The following MACROH2A1 variants were observed in gnomAD, a reference collection of about 807,000 sequenced individuals.
MACROH2A1 encodes macroH2A.1 histone.
MACROH2A1 carries 2 observed loss-of-function variants against 31.6 expected under a neutral mutation model. The ratio of observed to expected loss-of-function variants is 0.06; its 90% confidence interval spans 0.03 to 0.20. The LOEUF is 0.20. Ranked by LOEUF, MACROH2A1 falls within the 10% of genes least tolerant of loss-of-function variation. The probability of loss-of-function intolerance (pLI) is 1.00; values close to 1 mark genes in which losing one functional copy is unlikely to be tolerated. For synonymous variants in MACROH2A1, 169 were observed against 189.6 expected (o/e 0.89, Z 0.89); for missense variants, 230 against 474.0 (o/e 0.49, Z 4.78).
intron 1 of MACROH2A1, among the ~76,000 whole-genome samples, chr5:135,390,610 G>C (rs1417240665): frequency 1.3e-5 from 2 of 152,154 alleles, no homozygotes; most frequent in African/African-American, 4.8e-5. Context: ...TTTGCTCACT[G>C]AACCAACTGG....
intron 2 of MACROH2A1, among the ~76,000 whole-genome samples, chr5:135,383,745 G>A (rs934587319): frequency 1.4e-5 from 2 of 143,322 alleles, no homozygotes; most frequent in Non-Finnish European, 3.0e-5. Context: ...GTGTGTGTGT[G>A]TTTTAATTTT....
rs62381067 is a variant in MACROH2A1 at position 135,358,169 on chromosome 5, T to C, written c.588+2328A>G. ...CCTTTTTTACACTATATGCCATGATTTTCACCTGACAGTAATAGCCAATAA... is the reference window on the plus strand; with the variant it reads ...CCTTTTTTACACTATATGCCATGATCTTCACCTGACAGTAATAGCCAATAA... On this transcript the variant is annotated intron_variant, in intron 5 of 8. Transcript: ENST00000511689. The C allele has an allele frequency of 1.4e-3, 1,358 of 985,228 alleles. 2 individuals are homozygous for C. Among genetic ancestry groups the C allele is most frequent in the Non-Finnish European group, 1.5e-3 (1,264 of 829,734 alleles). The allele number at this position is 985,228 out of a possible 1,614,324, so 61.0% of individuals were successfully genotyped here.
At chr5:135,384,776 C>T (rs1386549388) in intron 2 of MACROH2A1, among the ~76,000 whole-genome samples, 3 of 152,238 alleles carry the variant, frequency 2.0e-5, no homozygotes, top group Admixed American at 6.5e-5. Context: ...TCACATCAGC[C>T]TCATAAGAAC....
intron 4 of MACROH2A1, among the ~76,000 whole-genome samples, chr5:135,364,112 C>T (rs1763190953): frequency 1.3e-5 from 2 of 152,116 alleles, no homozygotes; most frequent in Admixed American, 1.3e-4. Context: ...AAACTGGAAA[C>T]CATCATTCTC....
intron 5 of MACROH2A1, chr5:135,358,076 A>C (rs1221660307): frequency 6.1e-6 from 6 of 983,730 alleles, no homozygotes; most frequent in Admixed American, 6.1e-5. Context: ...AATCCAAGTC[A>C]AAATTAATGT....
At chr5:135,346,715 A>C (rs1434436692) in intron 6 of MACROH2A1, 1 of 152,300 alleles carries the variant, frequency 6.6e-6, no homozygotes, top group Admixed American at 6.5e-5. Flanking sequence ...CATCAGAAGC[A>C]GAGCTTAAAG....
intron 4 of MACROH2A1, chr5:135,361,717 T>C (rs982595663): frequency 3.9e-5 from 6 of 152,232 alleles, no homozygotes; most frequent in African/African-American, 1.4e-4. Context: ...GAATAAACTC[T>C]GGGCAAGGCC....
At chr5:135,342,201 C>T (rs1210094969) in intron 8 of MACROH2A1, among the ~76,000 whole-genome samples, 1 of 152,226 alleles carries the variant, frequency 6.6e-6, no homozygotes, top group Middle Eastern at 3.2e-3. Flanking sequence ...TCAGAGGTGG[C>T]TCTGCCCTGA....
intron 8 of MACROH2A1, among the ~76,000 whole-genome samples, chr5:135,338,313 G>C (rs1246624553): frequency 6.6e-6 from 1 of 152,196 alleles, no homozygotes; most frequent in Non-Finnish European, 1.5e-5. Flanking sequence ...TCCCACTTCG[G>C]TGCCTTGTTT....
intron 2 of MACROH2A1, among the ~76,000 whole-genome samples, chr5:135,388,351 C>T (rs1213037656): frequency 1.3e-5 from 2 of 152,082 alleles, no homozygotes; most frequent in African/African-American, 2.4e-5. Context: ...AGGTGCCTCC[C>T]GACGTGATGC....
intron 6 of MACROH2A1, 100 bp downstream of exon 6, chr5:135,352,846 G>T: frequency 1.4e-6 from 1 of 736,286 alleles, no homozygotes; most frequent in Non-Finnish European, 2.5e-6. Context: ...TGGAAATTTG[G>T]CTTGACCACT....
chr5:135,399,126 G>A lies in MACROH2A1; in HGVS notation c.-98C>T, dbSNP rs560792965. On this transcript the variant is annotated 5_prime_UTR_variant, in exon 1 of 9. Coordinates refer to ENST00000511689, the MANE Select transcript of MACROH2A1 (RefSeq NM_138610.3). This position sits in a 1 kb window ranked among gnomAD's most constrained non-coding sequence, Gnocchi z 4.5. ...TCGGCCTGAGCCCTCCTGGCCGCTC[G>A]CGCCTTTTCTCTCCGCGCTCCTCGC... is the stretch of plus-strand genomic sequence containing the variant. 3.0e-4 allele frequency: 45 copies of A among 151,458 alleles called. No individual in the cohort carries two copies. The highest frequency in any genetic ancestry group is 1.1e-3 in the Admixed American group (16 of 15,162). 9.4% of individuals were successfully genotyped at this position (151,458 alleles called of 1,614,324 possible).
chr5:135,349,098 C>G (rs984626538), intron 6 of MACROH2A1, among the ~76,000 whole-genome samples: 21 of 152,184 alleles, frequency 1.4e-4, no homozygotes, highest in African/African-American at 5.1e-4. Context: ...GCTAATCCTG[C>G]TGGGCACGGC....
At chr5:135,339,242 G>A (rs933220195) in intron 8 of MACROH2A1, among the ~76,000 whole-genome samples, 2 of 152,226 alleles carry the variant, frequency 1.3e-5, no homozygotes, top group Non-Finnish European at 2.9e-5. Context: ...CCCAGGGCCA[G>A]TGCAAGATGC....
intron 4 of MACROH2A1, chr5:135,362,414 A>T (rs537696630): frequency 6.6e-6 from 1 of 152,364 alleles, no homozygotes; most frequent in East Asian, 1.9e-4. Flanking sequence ...TGATGAGATT[A>T]CACTATGTAT....
rs1028874258 is a variant in MACROH2A1, at chr5:135,398,644, T to G, written c.-34+418A>C. 6.6e-6 allele frequency among the ~76,000 whole-genome samples: 1 copy of G among 152,130 alleles called. No individual in the cohort carries two copies. On this transcript the variant is annotated intron_variant, in intron 1 of 8. Coordinates refer to ENST00000511689, the MANE Select transcript of MACROH2A1 (RefSeq NM_138610.3). The surrounding 1 kb of genome is among the most constrained non-coding windows in gnomAD (Gnocchi z 4.6). ...GCGGGGGCCTCACCAAGTACAACTC[T>G]GCTCACAGCAGCTCCCGGGTGCCCA...
At chr5:135,389,640 G>A (rs1766923547) in intron 1 of MACROH2A1, among the ~76,000 whole-genome samples, 1 of 152,198 alleles carries the variant, frequency 6.6e-6, no homozygotes, top group Non-Finnish European at 1.5e-5. Context: ...GTTGCAGTAA[G>A]AGGCCCTCTG....
At chr5:135,373,359 A>C (rs1439854244) in intron 2 of MACROH2A1, among the ~76,000 whole-genome samples, 1 of 152,180 alleles carries the variant, frequency 6.6e-6, no homozygotes, top group African/African-American at 2.4e-5. Context: ...TAAAGAACAG[A>C]AAGCAACAGA....
chr5:135,382,255 A>G (rs142781518), intron 2 of MACROH2A1, among the ~76,000 whole-genome samples: 1 of 152,356 alleles, frequency 6.6e-6, no homozygotes, highest in East Asian at 1.9e-4. Context: ...AGAACCCTCC[A>G]CGTGGAACTT....
Sources: allele counts gnomAD v4.1 joint callset (sites outside exome capture counted in the v4.1 genomes callset), GRCh38; gene constraint gnomAD v4.1.1; non-coding constraint Gnocchi (gnomAD v3.1); transcripts MANE v1.5; gene names NCBI Gene and HGNC (gene_info 2026-07-23, HGNC 2026-07-21).